ABCB10: variants seen among roughly 807,000 people sequenced by gnomAD.
The protein encoded by ABCB10 is ATP binding cassette subfamily B member 10, also known as ATP-binding cassette sub-family B member 10, mitochondrial.
Under a neutral mutation model 65.4 loss-of-function variants are expected in ABCB10, and 54 were observed. The ratio of observed to expected loss-of-function variants is 0.83; its 90% CI spans 0.66 to 1.04. ABCB10 has a LOEUF of 1.04. Among genes scored for constraint, ABCB10 ranks in the 50% least tolerant of loss-of-function variants. The pLI, the probability that ABCB10 is intolerant of heterozygous loss-of-function variation, is 0.00. For synonymous variants in ABCB10, 418 were observed against 406.5 expected (o/e 1.03, Z -0.34); for missense variants, 846 against 976.6 (o/e 0.87, Z 1.78).
At chr1:229,533,150 ATTT>A (rs902240097) in intron 6 of ABCB10, among the ~76,000 whole-genome samples, 24 of 150,576 alleles carry the variant, frequency 1.6e-4, no homozygotes, top group African/African-American at 5.8e-4. Context: ...CATTATTATT[ATTT>A]TTTTTTGAGA....
chr1:229,518,302 A>G lies in ABCB10; in HGVS notation c.2094T>C (p.Ala698=). The G allele has an allele frequency of 6.2e-7, 1 of 1,614,206 alleles. No homozygotes were observed. The highest frequency in any genetic ancestry group is 1.1e-5 in the South Asian group (1 of 91,084). The change falls in exon 13 of 13, where the codon GCT becomes GCC. Residue 698 remains alanine, a synonymous_variant. Transcript: ENST00000344517. Reference sequence around the variant, plus strand: ...CTTGGTCAAGAACAGCAACCATATTAGCATTCTTAATGGTGGACAGACGAT... The same window carrying G: ...CTTGGTCAAGAACAGCAACCATATTGGCATTCTTAATGGTGGACAGACGAT... The part of the protein sequence containing the change: ...IAHRLSTIKN[A]NMVAVLDQGK...
chr1:229,546,147 G>A (rs12122516), intron 3 of ABCB10, among the ~76,000 whole-genome samples: 16 of 149,972 alleles, frequency 1.1e-4, no homozygotes, highest in Non-Finnish European at 1.9e-4. Context: ...ACTTCAGCCC[G>A]GATGACAGTG....
In ABCB10 at chr1:229,558,188, C is replaced by A; in HGVS notation, c.465G>T (p.Pro155=). The A allele has an allele frequency of 7.0e-7, 1 of 1,429,606 alleles. No homozygotes were observed. The highest frequency in any genetic ancestry group is 9.1e-7 in the Non-Finnish European group (1 of 1,094,378). The allele number at this position is 1,429,606 out of a possible 1,614,324, so 88.6% of individuals were successfully genotyped here. Residue 155 remains proline, a synonymous_variant, in exon 1 of 13, where the codon CCG becomes CCT. Transcript: ENST00000344517. ...CCAGCCCCAGGAGCTTCCGGGCCTCCGGGAGTCCGGCCGCTGCGGGGCGCA... is the reference window on the plus strand; with the variant it reads ...CCAGCCCCAGGAGCTTCCGGGCCTCAGGGAGTCCGGCCGCTGCGGGGCGCA... The part of the protein sequence containing the change: ...GRLRPAAAGL[P]EARKLLGLAY...
intron 1 of ABCB10, among the ~76,000 whole-genome samples, chr1:229,556,848 C>T (rs1663259620): frequency 6.6e-6 from 1 of 152,216 alleles, no homozygotes; most frequent in Admixed American, 6.5e-5. Context: ...TGAAGGCACT[C>T]TGAGCGCCTG....
chr1:229,558,653 G>C lies in ABCB10; in HGVS notation c.-1C>G. On this transcript the variant is annotated 5_prime_UTR_variant, in exon 1 of 13. Coordinates refer to ENST00000344517, the MANE Select transcript of ABCB10 (RefSeq NM_012089.3). The stretch of plus-strand genomic sequence containing the variant: ...GCGGCCAGGCAGGGGGGCCTCGCAT[G>C]GCGCTGCGTGCGACCCGTACGCCTC... 7.5e-7 allele frequency: 1 copy of C among 1,340,298 alleles called. No homozygotes were observed. Among genetic ancestry groups the C allele is most frequent in the Non-Finnish European group, 9.5e-7 (1 of 1,048,580 alleles). 83.0% of individuals were successfully genotyped at this position (1,340,298 alleles called of 1,614,324 possible). A position where few individuals can be genotyped will look rare whatever the true frequency, so the allele number is the denominator to read the frequency against.
intron 1 of ABCB10, among the ~76,000 whole-genome samples, chr1:229,550,919 T>C (rs1216461208): frequency 6.6e-6 from 1 of 151,984 alleles, no homozygotes; most frequent in Non-Finnish European, 1.5e-5. Flanking sequence ...ATATCACAGA[T>C]AACTGCATTC....
intron 6 of ABCB10, among the ~76,000 whole-genome samples, chr1:229,538,095 C>T (rs1292486592): frequency 2.6e-5 from 4 of 152,194 alleles, no homozygotes; most frequent in Non-Finnish European, 4.4e-5. Context: ...AATCTCTGCA[C>T]GCAGACAAAG....
rs373082961 is a variant in ABCB10, at chr1:229,526,484, C to A, written c.1726-368G>T. Among the ~76,000 whole-genome samples, 87 of 152,340 alleles carry A rather than the reference C, an allele frequency of 5.7e-4. No homozygotes were observed. The South Asian group carries it at 0.018, about 31-fold the overall frequency. ...ATGGGAACAAACAATTCTGACAGAA[C>A]CCTATGGAGTAGTCCTAAAAAATAA... is the stretch of plus-strand genomic sequence containing the variant. On this transcript the variant is annotated intron_variant, in intron 9 of 12. Coordinates refer to ENST00000344517, the MANE Select transcript of ABCB10 (RefSeq NM_012089.3).
intron 1 of ABCB10, among the ~76,000 whole-genome samples, chr1:229,550,458 G>A (rs972727729): frequency 6.9e-6 from 1 of 144,248 alleles, no homozygotes; most frequent in Admixed American, 7.3e-5. Flanking sequence ...CCAGGAGGTC[G>A]AGACTGCAGT....
chr1:229,535,038 T>TTAAAAAAAAAAAAAAAAA (rs1553264347), intron 6 of ABCB10: 1 of 47,476 alleles, frequency 2.1e-5, no homozygotes, highest in African/African-American at 7.6e-5. Context: ...AGACTCCCTT[T>TTAAAAAAAAAAAAAAAAA]AAAAAAAAAA....
chr1:229,555,107 G>A lies in ABCB10; in HGVS notation c.517+3029C>T, dbSNP rs74739869. On this transcript the variant is annotated intron_variant, in intron 1 of 12. Coordinates refer to ENST00000344517, the MANE Select transcript of ABCB10 (RefSeq NM_012089.3). ...ACATGTGTGCAGTCCACAGTTTAAT[G>A]AAGGCATGCTGCCCACCCCGCCGAA... is the stretch of plus-strand genomic sequence containing the variant. Among the ~76,000 whole-genome samples the A allele has an allele frequency of 9.2e-3, 1,408 of 152,218 alleles. 11 individuals carry two copies. The highest frequency in any genetic ancestry group is 0.024 in the Middle Eastern group (7 of 294).
At position 229,518,285 on chromosome 1, in the gene ABCB10, A is replaced by C; in HGVS notation, c.2111T>G (p.Leu704Arg). The C allele has an allele frequency of 6.2e-7, 1 of 1,614,210 alleles. No homozygotes were observed. Among genetic ancestry groups the C allele is most frequent in the South Asian group, 1.1e-5 (1 of 91,086 alleles). ...ATATTCAGTAATTTTTCCTTGGTCA[A>C]GAACAGCAACCATATTAGCATTCTT... The part of the protein sequence containing the change: ...TIKNANMVAV[L>R]DQGKITEYGK... Residue 704 changes from leucine (L) to arginine (R), a missense_variant, in exon 13 of 13, where the codon CTT becomes CGT. By Grantham distance (102) the Leu-to-Arg change is moderately radical (BLOSUM62 -2). This residue lies in a region of ABCB10 where 632 missense variants were observed against 803.2 expected (regional missense o/e 0.79). Coordinates refer to ENST00000344517, the MANE Select transcript of ABCB10 (RefSeq NM_012089.3).
chr1:229,558,570 C>T lies in ABCB10; in HGVS notation c.83G>A (p.Cys28Tyr). The T allele has an allele frequency of 6.9e-7, 1 of 1,445,676 alleles. No individual in the cohort carries two copies. Among genetic ancestry groups the T allele is most frequent in the Non-Finnish European group, 9.1e-7 (1 of 1,101,392 alleles). The allele number at this position is 1,445,676 out of a possible 1,614,324, so 89.6% of individuals were successfully genotyped here. ...AEPGRLLPVA[C>Y]VWAAASRVPG... The stretch of plus-strand genomic sequence containing the variant: ...AACGCGGCTGGCCGCGGCCCACACG[C>T]AGGCTACCGGCAGGAGCCGACCTGG... The change falls in exon 1 of 13, where the codon TGC becomes TAC. Residue 28 changes from cysteine (C) to tyrosine (Y), a missense_variant. This residue lies in a region of ABCB10 where 214 missense variants were observed against 173.5 expected (regional missense o/e 1.23). Coordinates refer to ENST00000344517, the MANE Select transcript of ABCB10 (RefSeq NM_012089.3).
Position 229,530,367 on chromosome 1 carries a change from C to T in ABCB10, c.1477G>A (p.Glu493Lys). The T allele has an allele frequency of 6.2e-7, 1 of 1,614,176 alleles. No individual in the cohort carries two copies. The highest frequency in any genetic ancestry group is 8.5e-7 in the Non-Finnish European group (1 of 1,180,026). The change falls in exon 8 of 13, where the codon GAG becomes AAG. Residue 493 changes from glutamate to lysine, a missense_variant. Glu to Lys is a moderately conservative substitution (Grantham distance 56, BLOSUM62 1). Coordinates refer to ENST00000344517, the MANE Select transcript of ABCB10 (RefSeq NM_012089.3). Reference sequence around the variant, plus strand: ...TAGGCAAAATGCACGTTCTTAAACTCCAAAGCACCCTGGAAGCTTTTCTCA... The same window carrying T: ...TAGGCAAAATGCACGTTCTTAAACTTCAAAGCACCCTGGAAGCTTTTCTCA... ...LNEKSFQGAL[E>K]FKNVHFAYPA...
intron 1 of ABCB10, among the ~76,000 whole-genome samples, chr1:229,557,762 A>G (rs1663293232): frequency 6.6e-6 from 1 of 152,180 alleles, no homozygotes; most frequent in South Asian, 2.1e-4. Flanking sequence ...CTAATAACAA[A>G]ATAGGCATAT....
chr1:229,524,571 CACTTTAAAGAAAT>C lies in ABCB10; in HGVS notation c.1906+1352_1906+1364del, dbSNP rs370435499. ...AGTTCTACTCATTGGTTCATTTCTG[CACTTTAAAGAAAT>C]ACAAACTGAGTCTTCTCTCTCCTCA... On this transcript the variant is annotated intron_variant, in intron 10 of 12. Transcript: ENST00000344517. 9.2e-3 allele frequency among the ~76,000 whole-genome samples: 1,406 copies of C among 152,264 alleles called. 6 individuals are homozygous for C. The highest frequency in any genetic ancestry group is 0.017 in the Middle Eastern group (5 of 294).
chr1:229,525,297 ACTT>A (rs1199324122), intron 10 of ABCB10, among the ~76,000 whole-genome samples: 2 of 152,146 alleles, frequency 1.3e-5, no homozygotes, highest in Non-Finnish European at 1.5e-5. Context: ...TCATCCTGCC[ACTT>A]CTTATTTTCT....
chr1:229,542,228 G>T lies in ABCB10; in HGVS notation c.1056+9C>A. ...GCTGGAAACCACGCGGACAGGAAGG[G>T]GCCTTTACCTGAGTGGCTTGTGCCA... On this transcript the variant is annotated intron_variant, in intron 4 of 12. Coordinates refer to ENST00000344517, the MANE Select transcript of ABCB10 (RefSeq NM_012089.3). The T allele has an allele frequency of 6.2e-7, 1 of 1,613,346 alleles. No homozygotes were observed. Among genetic ancestry groups the T allele is most frequent in the Non-Finnish European group, 8.5e-7 (1 of 1,179,746 alleles).
At chr1:229,520,944 T>C (rs1280936021) in intron 11 of ABCB10, among the ~76,000 whole-genome samples, 1 of 152,158 alleles carries the variant, frequency 6.6e-6, no homozygotes. Context: ...CTTTTTAGGG[T>C]GACAGAAATG....
Sources: allele counts gnomAD v4.1 joint callset (sites outside exome capture counted in the v4.1 genomes callset), GRCh38; gene constraint gnomAD v4.1.1; regional missense constraint gnomAD v4.1.1; transcripts MANE v1.5; gene names NCBI Gene and HGNC (gene_info 2026-07-23, HGNC 2026-07-21).